Variants in GALR1 observed in about 807,000 individuals in gnomAD.
GALR1 encodes galanin receptor type 1.
Under a neutral mutation model 17.9 loss-of-function variants are expected in GALR1, and 11 were observed. The ratio of observed to expected loss-of-function variants is 0.62; its 90% CI spans 0.39 to 1.02. The LOEUF is 1.02. Among genes scored for constraint, GALR1 ranks in the 50% least tolerant of loss-of-function variants. The pLI is 0.01. For synonymous variants in GALR1, 206 were observed against 205.7 expected (o/e 1.00, Z -0.01); for missense variants, 441 against 456.9 (o/e 0.97, Z 0.32).
chr18:77,266,238 G>T (rs993160562), intron 2 of GALR1, among the ~76,000 whole-genome samples: 1 of 152,156 alleles, frequency 6.6e-6, no homozygotes, highest in Non-Finnish European at 1.5e-5. Flanking sequence ...CTTTACTCCA[G>T]TTCCCAAGAA....
At chr18:77,256,696 CCT>C (rs1354385083) in intron 2 of GALR1, among the ~76,000 whole-genome samples, 3 of 152,314 alleles carry the variant, frequency 2.0e-5, no homozygotes, top group African/African-American at 7.2e-5. Context: ...GCCATTCTTG[CCT>C]CTTTCACCCA....
chr18:77,259,057 A>G (rs1216530982), intron 2 of GALR1, among the ~76,000 whole-genome samples: 2 of 3,988 alleles, frequency 5.0e-4, no homozygotes, highest in Non-Finnish European at 3.2e-3. Flanking sequence ...GGTGGTGATG[A>G]TGGTGGTCAT....
chr18:77,268,188 G>A (rs764713092), intron 2 of GALR1, among the ~76,000 whole-genome samples: 1 of 152,060 alleles, frequency 6.6e-6, no homozygotes, highest in Non-Finnish European at 1.5e-5. Flanking sequence ...GCGCTCCTCC[G>A]AGATGCATTG....
At chr18:77,264,341 T>C (rs1490006378) in intron 2 of GALR1, among the ~76,000 whole-genome samples, 1 of 152,106 alleles carries the variant, frequency 6.6e-6, no homozygotes, top group African/African-American at 2.4e-5. Flanking sequence ...CACTTTCCCA[T>C]GTCTTAGTCT....
rs1260683074 is a variant in GALR1, at chr18:77,273,283, A to G, written c.*4381A>G. On this transcript the variant is annotated 3_prime_UTR_variant, in exon 3 of 3. Coordinates refer to ENST00000299727, the MANE Select transcript of GALR1 (RefSeq NM_001480.4). ...ATAGGCCCTGTTCCCGCATCCGATG[A>G]TTCTCAGGTTTTGTTCTAGGTGCAG... 1 of 151,974 alleles carries G rather than the reference A, an allele frequency of 6.6e-6. No individual in the cohort carries two copies. The highest frequency in any genetic ancestry group is 1.5e-5 in the Non-Finnish European group (1 of 68,062). 9.4% of individuals were successfully genotyped at this position (151,974 alleles called of 1,614,324 possible).
At chr18:77,262,168 C>T (rs1226745980) in intron 2 of GALR1, among the ~76,000 whole-genome samples, 1 of 150,822 alleles carries the variant, frequency 6.6e-6, no homozygotes, top group Non-Finnish European at 1.5e-5. Context: ...AACTAGTAAA[C>T]TCTACCAATT....
At chr18:77,258,611 GAT>G (rs1912661512) in intron 2 of GALR1, among the ~76,000 whole-genome samples, 4 of 148,522 alleles carry the variant, frequency 2.7e-5, no homozygotes, top group Admixed American at 2.0e-4. Context: ...TCATGGTGGT[GAT>G]GGTGGTGGTG....
chr18:77,262,331 C>T (rs1033855008), intron 2 of GALR1, among the ~76,000 whole-genome samples: 7 of 151,938 alleles, frequency 4.6e-5, no homozygotes, highest in East Asian at 1.9e-4. Context: ...TAACTTTGAG[C>T]GTGTCTATGC....
Position 77,274,213 on chromosome 18 carries a change from A to C in GALR1, c.*5311A>C, listed in dbSNP as rs1237262844. On this transcript the variant is annotated 3_prime_UTR_variant, in exon 3 of 3. Transcript: ENST00000299727. ...CACTTGTTTTTGGGCAATCTAGCCAAGGTGTCACATAATGGAGAAAAATGC... is the reference window on the plus strand; with the variant it reads ...CACTTGTTTTTGGGCAATCTAGCCACGGTGTCACATAATGGAGAAAAATGC... The C allele has an allele frequency of 6.6e-6, 1 of 152,110 alleles. No homozygotes were observed. The highest frequency in any genetic ancestry group is 2.4e-5 in the African/African-American group (1 of 41,416). 9.4% of individuals were successfully genotyped at this position (152,110 alleles called of 1,614,324 possible).
At position 77,270,901 on chromosome 18, in the gene GALR1, A is replaced by G. The variant is rs1253564499; in HGVS notation, c.*1999A>G. 6.6e-6 allele frequency: 1 copy of G among 152,220 alleles called. No individual in the cohort carries two copies. The highest frequency in any genetic ancestry group is 2.4e-5 in the African/African-American group (1 of 41,454). 9.4% of individuals were successfully genotyped at this position (152,220 alleles called of 1,614,324 possible). A position where few individuals can be genotyped will look rare whatever the true frequency, so the allele number is the denominator to read the frequency against. On this transcript the variant is annotated 3_prime_UTR_variant, in exon 3 of 3. Transcript: ENST00000299727. Reference sequence around the variant, plus strand: ...AAATATATAGGAGCAGAAAAATTTTATCCTGACGATGATACTTCCTGTGAT... The same window carrying G: ...AAATATATAGGAGCAGAAAAATTTTGTCCTGACGATGATACTTCCTGTGAT...
At chr18:77,267,069 T>C (rs1912958230) in intron 2 of GALR1, among the ~76,000 whole-genome samples, 1 of 152,262 alleles carries the variant, frequency 6.6e-6, no homozygotes, top group Admixed American at 6.5e-5. Flanking sequence ...TTGCGCTTAA[T>C]GTTCCTTTTT....
Position 77,277,038 on chromosome 18 carries a change from C to T in GALR1, c.*8136C>T, listed in dbSNP as rs1200692578. 2 of 152,242 alleles carry T rather than the reference C, an allele frequency of 1.3e-5. No individual in the cohort carries two copies. Among genetic ancestry groups the T allele is most frequent in the South Asian group, 2.1e-4 (1 of 4,818 alleles). The allele number at this position is 152,242 out of a possible 1,614,324, so 9.4% of individuals were successfully genotyped here. A position where few individuals can be genotyped will look rare whatever the true frequency, so the allele number is the denominator to read the frequency against. On this transcript the variant is annotated 3_prime_UTR_variant, in exon 3 of 3. Transcript: ENST00000299727. ...ATTGTTAGATGTGAAGTTTTGAACC[C>T]AGTGTTTAAACTCAGTGTTTAAATA...
chr18:77,256,339 G>A (rs7227722), intron 2 of GALR1, 116 bp downstream of exon 2: 30,279 of 613,322 alleles, frequency 0.049, 1,768 homozygotes, highest in East Asian at 0.17. Context: ...CCTTGGTGTG[G>A]CTAAGGAGGT....
chr18:77,268,808 A>G lies in GALR1; in HGVS notation c.956A>G (p.Lys319Arg). Reference protein sequence around the residue: ...NFRKAYKQVFKCHIRKDSHLS... With the variant: ...NFRKAYKQVFRCHIRKDSHLS... Reference sequence around the variant, plus strand: ...AGGAAGGCCTATAAACAAGTGTTCAAGTGTCACATTCGCAAAGATTCACAC... The same window carrying G: ...AGGAAGGCCTATAAACAAGTGTTCAGGTGTCACATTCGCAAAGATTCACAC... Residue 319 changes from lysine to arginine, a missense_variant, in exon 3 of 3, where the codon AAG becomes AGG. By Grantham distance (26) the Lys-to-Arg change is conservative. Transcript: ENST00000299727. 1.2e-6 allele frequency: 2 copies of G among 1,613,928 alleles called. No homozygotes were observed. Among genetic ancestry groups the G allele is most frequent in the Middle Eastern group, 1.6e-4 (1 of 6,062 alleles).
At chr18:77,263,925 A>G (rs1037546757) in intron 2 of GALR1, among the ~76,000 whole-genome samples, 1 of 152,082 alleles carries the variant, frequency 6.6e-6, no homozygotes, top group Admixed American at 6.5e-5. Context: ...TCATGAGGTC[A>G]GGAGTTTGAG....
At position 77,258,603 on chromosome 18, in the gene GALR1, A is replaced by ATGGTGGTGATGGTGGTGGTGG. The variant is rs1568141263; in HGVS notation, c.732+2383_732+2403dup. Among the ~76,000 whole-genome samples, 7 of 41,636 alleles carry ATGGTGGTGATGGTGGTGGTGG rather than the reference A, an allele frequency of 1.7e-4. No homozygotes were observed. In the East Asian group the frequency reaches 6.0e-3, roughly 36 times the overall value. The allele number at this position is 41,636 out of a possible 152,430, so 27.3% of individuals were successfully genotyped here. A position where few individuals can be genotyped will look rare whatever the true frequency, so the allele number is the denominator to read the frequency against. The stretch of plus-strand genomic sequence containing the variant: ...GGTCATGGTGGTGATGGTGGTGGTC[A>ATGGTGGTGATGGTGGTGGTGG]TGGTGGTGATGGTGGTGGTGGTGAT... On this transcript the variant is annotated intron_variant, in intron 2 of 2. Coordinates refer to ENST00000299727, the MANE Select transcript of GALR1 (RefSeq NM_001480.4).
In GALR1 at chr18:77,271,252, C is replaced by A. The variant is rs923298621; in HGVS notation, c.*2350C>A. On this transcript the variant is annotated 3_prime_UTR_variant, in exon 3 of 3. Transcript: ENST00000299727. ...GTAATAGCTTGCGCTTGAAACCCCC[C>A]CCCCCCCGCCACTTTGCTAAATGTA... 11 of 126,610 alleles carry A rather than the reference C, an allele frequency of 8.7e-5. No individual in the cohort carries two copies. Among genetic ancestry groups the A allele is most frequent in the Non-Finnish European group, 1.1e-4 (6 of 56,030 alleles). 7.8% of individuals were successfully genotyped at this position (126,610 alleles called of 1,614,324 possible). A position where few individuals can be genotyped will look rare whatever the true frequency, so the allele number is the denominator to read the frequency against.
At position 77,250,575 on chromosome 18, in the gene GALR1, C is replaced by G. The variant is rs1327838397; in HGVS notation, c.27C>G (p.Ser9Arg). The G allele has an allele frequency of 1.3e-6, 2 of 1,539,030 alleles. No homozygotes were observed. The highest frequency in any genetic ancestry group is 1.8e-4 in the Middle Eastern group (1 of 5,406). ...TGGAGCTGGCGGTCGGGAACCTCAGCGAGGGCAACGCGAGCTGGCCGGAGC... is the reference window on the plus strand; with the variant it reads ...TGGAGCTGGCGGTCGGGAACCTCAGGGAGGGCAACGCGAGCTGGCCGGAGC... MELAVGNLSEGNASWPEPP... is the reference protein window; with the variant it reads MELAVGNLREGNASWPEPP... The change falls in exon 1 of 3, where the codon AGC becomes AGG. Residue 9 changes from serine (S) to arginine (R), a missense_variant. By Grantham distance (110) the Ser-to-Arg change is moderately radical. Transcript: ENST00000299727.
Position 77,252,881 on chromosome 18 carries a change from T to TCAC in GALR1, c.666+1679_666+1681dup, listed in dbSNP as rs1568138972. The stretch of plus-strand genomic sequence containing the variant: ...ACCACCACCACCACCACCACCACCA[T>TCAC]CACCACCACCACCATCACCACCACC... On this transcript the variant is annotated intron_variant, in intron 1 of 2. Coordinates refer to ENST00000299727, the MANE Select transcript of GALR1 (RefSeq NM_001480.4). Among the ~76,000 whole-genome samples, 16 of 55,296 alleles carry TCAC rather than the reference T, an allele frequency of 2.9e-4. No individual in the cohort carries two copies. The East Asian group carries it at 4.2e-3, about 14-fold the overall frequency. The allele number at this position is 55,296 out of a possible 152,430, so 36.3% of individuals were successfully genotyped here. A position where few individuals can be genotyped will look rare whatever the true frequency, so the allele number is the denominator to read the frequency against.
Sources: gnomAD v4.1 joint callset for allele counts (sites outside exome capture counted in the v4.1 genomes callset) on GRCh38, gnomAD v4.1.1 for gene constraint, MANE v1.5 for transcripts, NCBI Gene and HGNC (gene_info 2026-07-23, HGNC 2026-07-21) for gene names.